Variants in GOLGA4 observed in about 807,000 individuals in gnomAD.
The protein encoded by GOLGA4 is golgin A4, also known as golgin subfamily A member 4.
GOLGA4 carries 169 observed loss-of-function variants against 265.9 expected under a neutral mutation model. The ratio of observed to expected loss-of-function variants is 0.64; its 90% CI spans 0.56 to 0.72. The LOEUF (loss-of-function observed/expected upper bound fraction) is 0.72. Among genes scored for constraint, GOLGA4 ranks in the 30% least tolerant of loss-of-function variants. GOLGA4 has a pLI of 0.00. For missense variants in GOLGA4, 2,482 were observed against 2,483.4 expected (o/e 1.00, Z 0.01); for synonymous variants, 923 against 855.8 (o/e 1.08, Z -1.37).
At chr3:37,357,382 G>C (rs761570998) in intron 22 of GOLGA4, among the ~76,000 whole-genome samples, 27 of 152,112 alleles carry the variant, frequency 1.8e-4, no homozygotes, top group Non-Finnish European at 2.9e-4. Context: ...GAAGACATTG[G>C]TTGTTGACCT....
chr3:37,312,359 TA>T (rs2096925401), intron 10 of GOLGA4, among the ~76,000 whole-genome samples: 1 of 152,176 alleles, frequency 6.6e-6, no homozygotes, highest in Non-Finnish European at 1.5e-5. Context: ...TTCTTGTTAG[TA>T]GTAAGCGTTC....
rs1011319946 is a variant in GOLGA4, at chr3:37,328,930, G to A, written c.6062-33G>A. 2.6e-6 allele frequency: 4 copies of A among 1,531,732 alleles called. No individual in the cohort carries two copies. In the Admixed American group the frequency reaches 6.6e-5, roughly 25 times the overall value. 94.9% of individuals were successfully genotyped at this position (1,531,732 alleles called of 1,614,324 possible). A position where few individuals can be genotyped will look rare whatever the true frequency, so the allele number is the denominator to read the frequency against. On this transcript the variant is annotated intron_variant, in intron 15 of 23. Transcript: ENST00000361924. ...ACAAATATTAACTCTTGACTAATGT[G>A]TTTTCTTGTGTGTGTTCATTTTTAT...
At chr3:37,262,593 A>G (rs1190655317) in intron 2 of GOLGA4, among the ~76,000 whole-genome samples, 2 of 152,152 alleles carry the variant, frequency 1.3e-5, no homozygotes, top group Admixed American at 1.3e-4. Flanking sequence ...GTTAAAGAGA[A>G]AATTATAGAA....
intron 10 of GOLGA4, among the ~76,000 whole-genome samples, chr3:37,310,793 CAG>C (rs1400201809): frequency 4.0e-5 from 6 of 151,590 alleles, no homozygotes; most frequent in East Asian, 3.9e-4. Context: ...TGGAAGAACA[CAG>C]TGTGTTCTTG....
rs374957462 is a variant in GOLGA4, at chr3:37,328,954, A to G, written c.6062-9A>G. 9.6e-6 allele frequency: 15 copies of G among 1,569,220 alleles called. No homozygotes were observed. In the African/African-American group the frequency reaches 1.9e-4, roughly 20 times the overall value. On this transcript the variant is annotated splice_polypyrimidine_tract_variant and intron_variant, in intron 15 of 23. Coordinates refer to ENST00000361924, the MANE Select transcript of GOLGA4 (RefSeq NM_002078.5). ...TGTTTTCTTGTGTGTGTTCATTTTTATTTATTAGATAAGGCCCAGGAGGTG... is the reference window on the plus strand; with the variant it reads ...TGTTTTCTTGTGTGTGTTCATTTTTGTTTATTAGATAAGGCCCAGGAGGTG...
chr3:37,287,864 T>A (rs1238693062), intron 4 of GOLGA4, among the ~76,000 whole-genome samples: 1 of 152,168 alleles, frequency 6.6e-6, no homozygotes, highest in South Asian at 2.1e-4. Flanking sequence ...GGTAAGCCAT[T>A]TGCCTGTCTG....
At position 37,361,979 on chromosome 3, in the gene GOLGA4, A is replaced by G. The variant is rs1021961250; in HGVS notation, c.*33+674A>G. Among the ~76,000 whole-genome samples, 27 of 152,230 alleles carry G rather than the reference A, an allele frequency of 1.8e-4. No homozygotes were observed. In the East Asian group the frequency reaches 4.2e-3, roughly 24 times the overall value. ...AAACCCTCTCCCCTCATCTCTATGT[A>G]TTTTTCATGCTATTAGGTTGATTTA... On this transcript the variant is annotated intron_variant, in intron 23 of 23. Transcript: ENST00000361924.
At chr3:37,329,135 T>G (rs2096981928) in intron 16 of GOLGA4, 42 bp downstream of exon 16, 1 of 1,503,274 alleles carries the variant, frequency 6.7e-7, no homozygotes, top group South Asian at 1.3e-5. Flanking sequence ...GAAATTTAGC[T>G]GTAATAGATT....
rs1184940860 is a variant in GOLGA4, at chr3:37,315,446, A to C, written c.1261A>C (p.Ser421Arg). The C allele has an allele frequency of 6.2e-7, 1 of 1,613,340 alleles. No homozygotes were observed. The highest frequency in any genetic ancestry group is 1.3e-5 in the African/African-American group (1 of 74,810). Residue 421 changes from serine to arginine, a missense_variant, in exon 11 of 24, where the codon AGT becomes CGT. Transcript: ENST00000361924. The part of the protein sequence containing the change: ...AAFEELEKAL[S>R]TAQKTEEARR... ...TTTTGAGGAACTTGAAAAAGCTTTG[A>C]GTACAGCCCAAAAAACAGAGGAAGC...
intron 10 of GOLGA4, among the ~76,000 whole-genome samples, chr3:37,306,515 G>A (rs886422508): frequency 6.6e-6 from 1 of 151,096 alleles, no homozygotes; most frequent in East Asian, 1.9e-4. Flanking sequence ...GTGTGTGTGT[G>A]TGTGTGTGTG....
In GOLGA4 at chr3:37,295,032, A is replaced by G. The variant is rs1373577677; in HGVS notation, c.636A>G (p.Ala212=). The G allele has an allele frequency of 1.9e-6, 3 of 1,610,184 alleles. No homozygotes were observed. Among genetic ancestry groups the G allele is most frequent in the Non-Finnish European group, 2.5e-6 (3 of 1,177,064 alleles). The change falls in exon 6 of 24, where the codon GCA becomes GCG. Residue 212 remains alanine, a synonymous_variant. Coordinates refer to ENST00000361924, the MANE Select transcript of GOLGA4 (RefSeq NM_002078.5). Reference sequence around the variant, plus strand: ...AACATCTGCAAGAGGAGTTTGATGCATCTTTAGAGGAGAAAGATCAGTATA... The same window carrying G: ...AACATCTGCAAGAGGAGTTTGATGCGTCTTTAGAGGAGAAAGATCAGTATA... ...AKKHLQEEFD[A]SLEEKDQYIS... is the part of the protein sequence containing the mutation.
At chr3:37,274,238 G>A (rs1419023151) in intron 2 of GOLGA4, among the ~76,000 whole-genome samples, 1 of 152,116 alleles carries the variant, frequency 6.6e-6, no homozygotes, top group African/African-American at 2.4e-5. Context: ...TAAGGTGGAA[G>A]GGGAATATGA....
chr3:37,247,830 T>C (rs897603570), intron 1 of GOLGA4, among the ~76,000 whole-genome samples: 3 of 152,194 alleles, frequency 2.0e-5, no homozygotes, highest in Non-Finnish European at 4.4e-5. Context: ...CACTTTCGGC[T>C]TAGAGGCTAC....
intron 3 of GOLGA4, among the ~76,000 whole-genome samples, chr3:37,284,859 G>A (rs538789947): frequency 8.6e-5 from 13 of 151,966 alleles, no homozygotes; most frequent in East Asian, 7.8e-4. Flanking sequence ...TAGACATGGC[G>A]TTGCCATTTT....
At chr3:37,309,272 T>C (rs905846007) in intron 10 of GOLGA4, among the ~76,000 whole-genome samples, 6 of 148,302 alleles carry the variant, frequency 4.0e-5, no homozygotes, top group South Asian at 2.1e-4. Flanking sequence ...ATAACAATTA[T>C]AGGCCGGGCG....
intron 8 of GOLGA4, 92 bp from the exon 9 acceptor site, chr3:37,299,196 G>A: frequency 2.0e-6 from 2 of 977,312 alleles, no homozygotes; most frequent in Non-Finnish European, 3.2e-6. Context: ...CTTCTGCACT[G>A]TAACATGTAT....
rs74517831 is a variant in GOLGA4, at chr3:37,335,695, A to G, written c.6306+529A>G. Among the ~76,000 whole-genome samples the G allele has an allele frequency of 1.2e-3, 189 of 151,806 alleles. 3 individuals are homozygous for G. In the East Asian group the frequency reaches 0.035, roughly 28 times the overall value. ...GTGGACCAGATGCAAATACAATGCAATGATTTGGGAAAATTGGACTGAATT... is the reference window on the plus strand; with the variant it reads ...GTGGACCAGATGCAAATACAATGCAGTGATTTGGGAAAATTGGACTGAATT... On this transcript the variant is annotated intron_variant, in intron 17 of 23. Transcript: ENST00000361924.
At chr3:37,333,400 A>T (rs2096998014) in intron 16 of GOLGA4, among the ~76,000 whole-genome samples, 1 of 152,196 alleles carries the variant, frequency 6.6e-6, no homozygotes, top group Non-Finnish European at 1.5e-5. Context: ...AAATCTTAAA[A>T]TAAGACTAGA....
intron 2 of GOLGA4, among the ~76,000 whole-genome samples, chr3:37,279,084 C>T (rs1182092347): frequency 6.6e-6 from 1 of 152,060 alleles, no homozygotes; most frequent in Non-Finnish European, 1.5e-5. Flanking sequence ...TATGTTTGAG[C>T]ATATTGACAG....
Sources: gnomAD v4.1 joint callset for allele counts (sites outside exome capture counted in the v4.1 genomes callset) on GRCh38, gnomAD v4.1.1 for gene constraint, MANE v1.5 for transcripts, NCBI Gene and HGNC (gene_info 2026-07-23, HGNC 2026-07-21) for gene names.